The following NAALADL2 variants were observed in gnomAD, a reference collection of about 807,000 sequenced individuals.
NAALADL2 encodes the protein N-acetylated alpha-linked acidic dipeptidase like 2.
NAALADL2 carries 76 observed loss-of-function variants against 87.2 expected under a neutral mutation model. That is an observed-to-expected ratio of 0.87 (90% CI 0.72 to 1.05). NAALADL2 has a LOEUF of 1.05. Ranked by LOEUF, NAALADL2 falls within the 50% of genes least tolerant of loss-of-function variation. The pLI is 0.00. For synonymous variants in NAALADL2, 354 were observed against 331.0 expected (o/e 1.07, Z -0.75); for missense variants, 1,089 against 945.8 (o/e 1.15, Z -1.99).
intron 2 of NAALADL2, among the ~76,000 whole-genome samples, chr3:174,573,447 G>T (rs1411613046): frequency 2.6e-5 from 4 of 152,184 alleles, no homozygotes; most frequent in East Asian, 1.9e-4. Flanking sequence ...TTTGCTGATC[G>T]CATGGTGTAA....
At chr3:174,966,575 G>A (rs1407550371) in intron 1 of NAALADL2, among the ~76,000 whole-genome samples, 1 of 152,170 alleles carries the variant, frequency 6.6e-6, no homozygotes, top group African/African-American at 2.4e-5. Flanking sequence ...GGTATCTAGA[G>A]TGACAAACAG....
chr3:174,908,625 A>G (rs1733281191), intron 1 of NAALADL2, among the ~76,000 whole-genome samples: 1 of 152,166 alleles, frequency 6.6e-6, no homozygotes, highest in Non-Finnish European at 1.5e-5. Flanking sequence ...TTCATTAGAA[A>G]TATAACCTCT....
intron 1 of NAALADL2, among the ~76,000 whole-genome samples, chr3:175,039,898 G>A (rs974993958): frequency 7.3e-5 from 11 of 151,640 alleles, no homozygotes; most frequent in East Asian, 5.8e-4. Flanking sequence ...TTAGTTTTGC[G>A]GTTGAATATA....
At chr3:175,244,381 C>G (rs1581093380) in intron 3 of NAALADL2, among the ~76,000 whole-genome samples, 2 of 152,100 alleles carry the variant, frequency 1.3e-5, no homozygotes, top group South Asian at 4.2e-4. Context: ...CTCTGTACCT[C>G]TTTTTTCATT....
At chr3:175,614,004 A>T (rs1725008703) in intron 10 of NAALADL2, among the ~76,000 whole-genome samples, 2 of 152,174 alleles carry the variant, frequency 1.3e-5, no homozygotes, top group South Asian at 4.1e-4. Flanking sequence ...CAAGAGATAT[A>T]CAATATCCCA....
intron 1 of NAALADL2, chr3:175,059,294 A>G (rs955801388): frequency 6.6e-6 from 1 of 151,062 alleles, no homozygotes; most frequent in Non-Finnish European, 1.5e-5. Context: ...GGAGACTTTG[A>G]GCTGTGTTTA....
At chr3:174,825,000 G>A (rs754966538) in intron 3 of NAALADL2, among the ~76,000 whole-genome samples, 8 of 152,168 alleles carry the variant, frequency 5.3e-5, no homozygotes, top group Non-Finnish European at 7.3e-5. Context: ...TTACAGCTTT[G>A]ATTTAGACAC....
intron 1 of NAALADL2, among the ~76,000 whole-genome samples, chr3:174,987,660 C>G (rs907779746): frequency 6.9e-6 from 1 of 144,690 alleles, no homozygotes; most frequent in Non-Finnish European, 1.5e-5. Context: ...CAGGGTGTCA[C>G]TCTGTCACCA....
chr3:175,300,442 A>G (rs1195450028), intron 4 of NAALADL2, among the ~76,000 whole-genome samples: 1 of 151,344 alleles, frequency 6.6e-6, no homozygotes, highest in African/African-American at 2.4e-5. Context: ...GGTTTGTAGG[A>G]TAATTACTGC....
At chr3:175,345,942 C>A (rs1663955227) in intron 5 of NAALADL2, among the ~76,000 whole-genome samples, 1 of 152,018 alleles carries the variant, frequency 6.6e-6, no homozygotes, top group African/African-American at 2.4e-5. Context: ...TTACCCTACC[C>A]AGAATAGTAT....
At chr3:175,048,919 G>A (rs1755015629) in intron 1 of NAALADL2, among the ~76,000 whole-genome samples, 1 of 152,048 alleles carries the variant, frequency 6.6e-6, no homozygotes, top group Non-Finnish European at 1.5e-5. Context: ...TACTAGATAT[G>A]TTGCTTTAGA....
chr3:175,768,455 C>T (rs1749038732), intron 13 of NAALADL2, among the ~76,000 whole-genome samples: 1 of 151,976 alleles, frequency 6.6e-6, no homozygotes, highest in Non-Finnish European at 1.5e-5. Context: ...AGTTTTTTTT[C>T]TTCAAAGTTA....
chr3:174,815,519 G>T (rs967461387), intron 3 of NAALADL2, among the ~76,000 whole-genome samples: 2 of 152,146 alleles, frequency 1.3e-5, no homozygotes, highest in African/African-American at 4.8e-5. Flanking sequence ...GCCTCGAACT[G>T]CTGTGTTTAA....
At chr3:175,397,119 A>G (rs1769899427) in intron 5 of NAALADL2, 1 of 152,106 alleles carries the variant, frequency 6.6e-6, no homozygotes, top group Non-Finnish European at 1.5e-5. Context: ...CATGGAAACA[A>G]CAACAACAAC....
In NAALADL2 at chr3:175,803,082, T is replaced by A. The variant is rs1425787577; in HGVS notation, c.2267T>A (p.Leu756His). ...LIEAWEHCKP[L>H]ASNETLQEAL... Reference sequence around the variant, plus strand: ...GAGGCTTGGGAACACTGCAAACCCCTTGCATCAAATGAGACCCTTCAAGAA... The same window carrying A: ...GAGGCTTGGGAACACTGCAAACCCCATGCATCAAATGAGACCCTTCAAGAA... Residue 756 changes from leucine (L) to histidine (H), a missense_variant, in exon 14 of 14, where the codon CTT becomes CAT. Coordinates refer to ENST00000454872, the MANE Select transcript of NAALADL2 (RefSeq NM_207015.3). 6.2e-7 allele frequency: 1 copy of A among 1,612,296 alleles called. No homozygotes were observed. Among genetic ancestry groups the A allele is most frequent in the African/African-American group, 1.3e-5 (1 of 74,836 alleles).
intron 5 of NAALADL2, among the ~76,000 whole-genome samples, chr3:175,436,076 C>T (rs946550396): frequency 7.0e-6 from 1 of 142,322 alleles, no homozygotes; most frequent in African/African-American, 2.6e-5. Flanking sequence ...GTTCAATTCC[C>T]ACCTATGAGT....
chr3:174,885,098 T>G (rs115344427), intron 1 of NAALADL2, among the ~76,000 whole-genome samples: 4,606 of 152,186 alleles, frequency 0.03, 228 homozygotes, highest in African/African-American at 0.11. Context: ...CATCACAGTT[T>G]ACAACCTCAG....
chr3:174,623,668 T>C (rs1490293317), intron 2 of NAALADL2, among the ~76,000 whole-genome samples: 1 of 151,820 alleles, frequency 6.6e-6, no homozygotes, highest in Non-Finnish European at 1.5e-5. Flanking sequence ...AAAGTGTGTA[T>C]AAGTGTACCC....
At chr3:175,713,536 C>T (rs1310339066) in intron 11 of NAALADL2, among the ~76,000 whole-genome samples, 1 of 151,986 alleles carries the variant, frequency 6.6e-6, no homozygotes, top group East Asian at 1.9e-4. Context: ...TCCATGCCTT[C>T]TGATATACAG....
Sources: allele counts gnomAD v4.1 joint callset (sites outside exome capture counted in the v4.1 genomes callset), GRCh38; gene constraint gnomAD v4.1.1; transcripts MANE v1.5; gene names NCBI Gene and HGNC (gene_info 2026-07-23, HGNC 2026-07-21).